KIAA1210: variants seen among roughly 807,000 people sequenced by gnomAD.
KIAA1210 encodes acrosomal protein KIAA1210.
KIAA1210 carries 48 observed loss-of-function variants against 78.9 expected under a neutral mutation model. The ratio of observed to expected loss-of-function variants is 0.61; its 90% CI spans 0.48 to 0.77. The LOEUF (loss-of-function observed/expected upper bound fraction) is 0.77. Among genes scored for constraint, KIAA1210 ranks in the 30% least tolerant of loss-of-function variants. The pLI, the probability that KIAA1210 is intolerant of heterozygous loss-of-function variation, is 0.00. For synonymous variants in KIAA1210, 406 were observed against 404.5 expected, an observed-to-expected ratio of 1.00 and a Z score of -0.04; for missense variants, 1,108 against 1,100.0, an observed-to-expected ratio of 1.01 and a Z score of -0.10.
chrX:119,097,372 T>C (rs1341484157), intron 6 of KIAA1210, among the ~76,000 whole-genome samples: 2 of 111,109 alleles, frequency 1.8e-5, no homozygotes, highest in East Asian at 5.7e-4. Context: ...CTGTAGGATC[T>C]TCAAAATAGT....
intron 8 of KIAA1210, among the ~76,000 whole-genome samples, chrX:119,091,677 G>A (rs1029234349): frequency 9.0e-6 from 1 of 111,534 alleles, no homozygotes; most frequent in Non-Finnish European, 1.9e-5. Context: ...CCAGCATACG[G>A]CGCTGAGAAT....
At chrX:119,123,997 T>C (rs1928546753) in intron 1 of KIAA1210, among the ~76,000 whole-genome samples, 1 of 111,172 alleles carries the variant, frequency 9.0e-6, no homozygotes, top group African/African-American at 3.3e-5. Context: ...TGTTTGCTTG[T>C]TTTTTGTTTT....
Position 119,087,436 on chromosome X carries a change from A to G in KIAA1210, c.3266T>C (p.Leu1089Ser). The G allele has an allele frequency of 3.3e-6, 4 of 1,209,998 alleles. No individual in the cohort carries two copies. The East Asian group carries it at 1.2e-4, about 36-fold the overall frequency. ...TTTCTGTGGGTCTTCAGGCCTCCCC[A>G]AGGACTGTAAAGGGTGCTTCATAGG... ...MLPMKHPLQSLGRPEDPQKVF... is the reference protein window; with the variant it reads ...MLPMKHPLQSSGRPEDPQKVF... The change falls in exon 9 of 12, where the codon TTG (leucine) becomes TCG (serine). Residue 1089 changes from leucine to serine, a missense_variant. Leu to Ser is a moderately radical substitution (Grantham distance 145, BLOSUM62 -2). This residue lies in a region of KIAA1210 where 179 missense variants were observed against 174.1 expected (regional missense o/e 1.03). Transcript: ENST00000691062.
At chrX:119,118,100 C>T (rs1241589499) in intron 2 of KIAA1210, among the ~76,000 whole-genome samples, 1 of 112,135 alleles carries the variant, frequency 8.9e-6, no homozygotes, top group African/African-American at 3.2e-5. Context: ...CAGAAGGTCT[C>T]ATCAGCACAG....
intron 8 of KIAA1210, 105 bp from the exon 9 acceptor site, chrX:119,089,851 C>G (rs767205645): frequency 1.3e-6 from 1 of 770,081 alleles, no homozygotes; most frequent in East Asian, 3.2e-5. Flanking sequence ...TACTAAATTT[C>G]CTAGTATGAG....
intron 1 of KIAA1210, among the ~76,000 whole-genome samples, chrX:119,126,713 T>G (rs943635653): frequency 8.9e-6 from 1 of 112,051 alleles, no homozygotes; most frequent in Non-Finnish European, 1.9e-5. Context: ...GCTTTACCCT[T>G]GGCATTCCTG....
chrX:119,107,192 G>C (rs1199608736), intron 5 of KIAA1210, among the ~76,000 whole-genome samples: 1 of 113,107 alleles, frequency 8.8e-6, no homozygotes, highest in African/African-American at 3.2e-5. Flanking sequence ...AAACATTTAA[G>C]AAAGCTTGCC....
intron 10 of KIAA1210, among the ~76,000 whole-genome samples, chrX:119,085,086 T>C (rs1455861): frequency 0.053 from 5,958 of 111,926 alleles, 428 homozygotes; most frequent in African/African-American, 0.18. Context: ...TTCAGCATGT[T>C]GCCTAAGTTG....
At position 119,081,475 on chromosome X, in the gene KIAA1210, C is replaced by T. The variant is rs770025609; in HGVS notation, c.4456G>A (p.Val1486Ile). 1 of 1,208,499 alleles carries T rather than the reference C, an allele frequency of 8.3e-7. No individual in the cohort carries two copies. The stretch of plus-strand genomic sequence containing the variant: ...TTGGTTTCTTTTTCCATGGCAGGAA[C>T]TTGCAGTATCTTCTGAGCTTCAAAT... ...VGFEAQKILQ[V>I]PAMEKETKRS... The change falls in exon 12 of 12, where the codon GTT becomes ATT. Residue 1486 changes from valine (V) to isoleucine (I), a missense_variant. By Grantham distance (29) the Val-to-Ile change is conservative. Around this residue, in one of 5 missense-constraint regions of KIAA1210, gnomAD observed 245 missense variants for 278.8 expected, o/e 0.88. Coordinates refer to ENST00000691062, the MANE Select transcript of KIAA1210 (RefSeq NM_001394962.1).
chrX:119,150,638 G>C (rs1603274065), upstream of KIAA1210: 2 of 1,102,169 alleles, frequency 1.8e-6, no homozygotes, highest in Non-Finnish European at 2.4e-6. Context: ...CCCAGAAGCT[G>C]GGTTGAGGAC....
intron 3 of KIAA1210, 74 bp from the exon 4 acceptor site, chrX:119,109,276 T>G: frequency 9.9e-7 from 1 of 1,013,517 alleles, no homozygotes; most frequent in South Asian, 2.3e-5. Flanking sequence ...ATATTCATAA[T>G]ATGGCCTACC....
chrX:119,119,275 A>G (rs1010289767), intron 2 of KIAA1210, among the ~76,000 whole-genome samples: 5 of 112,194 alleles, frequency 4.5e-5, no homozygotes, highest in Non-Finnish European at 9.4e-5. Flanking sequence ...GAACTGTACA[A>G]TATGCATAAT....
intron 1 of KIAA1210, among the ~76,000 whole-genome samples, chrX:119,148,124 A>C (rs1009426892): frequency 2.7e-5 from 3 of 111,336 alleles, no homozygotes; most frequent in Admixed American, 9.5e-5. Flanking sequence ...TGGGTGACAG[A>C]GTGAGAGACC....
chrX:119,086,549 G>A lies in KIAA1210; in HGVS notation c.4153C>T (p.Pro1385Ser). ...TCTGGAGAGATAAAAGCCTTACCTG[G>A]GGTCTTGCAAGCAGGTTGCTTCTTG... ...MAKKQPACKT[P>S]GKPAGQQSDY... Residue 1385 changes from proline (P) to serine (S), a missense_variant, in exon 9 of 12, where the codon CCA (proline) becomes TCA (serine). Pro to Ser is a moderately conservative substitution (Grantham distance 74). Coordinates refer to ENST00000691062, the MANE Select transcript of KIAA1210 (RefSeq NM_001394962.1). The A allele has an allele frequency of 8.3e-7, 1 of 1,197,756 alleles. No individual in the cohort carries two copies. Among genetic ancestry groups the A allele is most frequent in the Non-Finnish European group, 1.1e-6 (1 of 889,674 alleles).
intron 7 of KIAA1210, among the ~76,000 whole-genome samples, chrX:119,095,239 G>A (rs1208555809): frequency 8.9e-6 from 1 of 112,235 alleles, no homozygotes; most frequent in Non-Finnish European, 1.9e-5. Flanking sequence ...GCCCTTCTCT[G>A]TAAAATGTTT....
chrX:119,140,531 T>TAA (rs5903548), intron 2 of KIAA1210, among the ~76,000 whole-genome samples: 3,098 of 62,560 alleles, frequency 0.05, 85 homozygotes, highest in African/African-American at 0.056. Context: ...GACTCTTTCT[T>TAA]AAAAAAAAAA....
chrX:119,120,242 G>A (rs1333322141), intron 2 of KIAA1210, among the ~76,000 whole-genome samples: 8 of 111,854 alleles, frequency 7.2e-5, no homozygotes, highest in African/African-American at 2.6e-4. Flanking sequence ...CTTGACAGGT[G>A]GATCTCATTC....
In KIAA1210 at chrX:119,088,954, G is replaced by A. The variant is rs1279818617; in HGVS notation, c.1748C>T (p.Ala583Val). Residue 583 changes from alanine to valine, a missense_variant, in exon 9 of 12, where the codon GCC becomes GTC. By Grantham distance (64) the Ala-to-Val change is moderately conservative. Coordinates refer to ENST00000691062, the MANE Select transcript of KIAA1210 (RefSeq NM_001394962.1). Reference sequence around the variant, plus strand: ...AAGGCTTCTGGGAGGCAGAGTCTTGGCATAAACATCTCCTTTGGCTGTAGT... The same window carrying A: ...AAGGCTTCTGGGAGGCAGAGTCTTGACATAAACATCTCCTTTGGCTGTAGT... ...TSTTAKGDVY[A>V]KTLPPRSLFQ... The A allele has an allele frequency of 8.3e-7, 1 of 1,211,428 alleles. No individual in the cohort carries two copies. Among genetic ancestry groups the A allele is most frequent in the Admixed American group, 2.2e-5 (1 of 46,052 alleles).
rs1432013857 is a variant in KIAA1210, at chrX:119,111,807, A to G, written c.231-2605T>C. 2.7e-5 allele frequency among the ~76,000 whole-genome samples: 3 copies of G among 111,941 alleles called. No individual in the cohort carries two copies. The East Asian group carries it at 8.3e-4, about 31-fold the overall frequency. ...AGGCCTAAATATGAGAGCTAAAACT[A>G]TAAAATTCTTAGAAAAAACATAGGA... On this transcript the variant is annotated intron_variant, in intron 3 of 11. Coordinates refer to ENST00000691062, the MANE Select transcript of KIAA1210 (RefSeq NM_001394962.1).
Sources: allele counts gnomAD v4.1 joint callset (sites outside exome capture counted in the v4.1 genomes callset), GRCh38; gene constraint gnomAD v4.1.1; regional missense constraint gnomAD v4.1.1; transcripts MANE v1.5; gene names NCBI Gene and HGNC (gene_info 2026-07-23, HGNC 2026-07-21).